The following DOCK3 variants were observed in gnomAD, a reference collection of about 807,000 sequenced individuals.
DOCK3 encodes the protein dedicator of cytokinesis protein 3.
Under a neutral mutation model 265.6 loss-of-function variants are expected in DOCK3, and 60 were observed. That is an observed-to-expected ratio of 0.23 (90% CI 0.18 to 0.28). DOCK3 has a LOEUF of 0.28. DOCK3 is among the 10% of genes least tolerant of loss of function. DOCK3 has a pLI of 1.00. For missense variants in DOCK3, 1,981 were observed against 2,594.3 expected (o/e 0.76, Z 5.14); for synonymous variants, 881 against 938.0 (o/e 0.94, Z 1.11).
chr3:51,120,043 A>T (rs528181995), intron 9 of DOCK3, among the ~76,000 whole-genome samples: 2 of 152,088 alleles, frequency 1.3e-5, no homozygotes, highest in South Asian at 2.1e-4. Context: ...GAGAAGAGGC[A>T]TTCTGGTTTT....
chr3:51,236,210 G>A (rs549838480), intron 19 of DOCK3, 135 bp from the exon 20 acceptor site: 25 of 715,530 alleles, frequency 3.5e-5, no homozygotes, highest in African/African-American at 1.4e-4. Context: ...GTACTAGTAC[G>A]ATGATTTTTA....
At chr3:51,253,943 T>C (rs1190167528) in intron 22 of DOCK3, among the ~76,000 whole-genome samples, 1 of 152,242 alleles carries the variant, frequency 6.6e-6, no homozygotes, top group Non-Finnish European at 1.5e-5. Context: ...TCTCTAGTTC[T>C]TTTAATTGTG....
chr3:50,851,240 A>T (rs1392957549), intron 3 of DOCK3, among the ~76,000 whole-genome samples: 1 of 152,048 alleles, frequency 6.6e-6, no homozygotes, highest in Non-Finnish European at 1.5e-5. Flanking sequence ...TGTAGCAGGG[A>T]AGGGCCCCTT....
At chr3:51,160,522 T>G in intron 11 of DOCK3, 33 bp from the exon 12 acceptor site, 1 of 1,579,548 alleles carries the variant, frequency 6.3e-7, no homozygotes, top group Non-Finnish European at 8.6e-7. Flanking sequence ...CATGCTTTTC[T>G]CAGTCTGACT....
At chr3:50,866,256 G>A (rs1250869356) in intron 3 of DOCK3, among the ~76,000 whole-genome samples, 1 of 152,112 alleles carries the variant, frequency 6.6e-6, no homozygotes, top group Admixed American at 6.5e-5. Context: ...GGAGGCTGAG[G>A]TGGGCAGATC....
intron 1 of DOCK3, among the ~76,000 whole-genome samples, chr3:50,693,605 G>A (rs1324318102): frequency 6.9e-6 from 1 of 144,572 alleles, no homozygotes; most frequent in African/African-American, 2.6e-5. Flanking sequence ...GCATGATCTC[G>A]GCTCACTGCA....
chr3:51,045,417 C>A (rs934508923), intron 5 of DOCK3, among the ~76,000 whole-genome samples: 1 of 152,108 alleles, frequency 6.6e-6, no homozygotes, highest in African/African-American at 2.4e-5. Flanking sequence ...GATCACTGAT[C>A]ACACACAGTT....
intron 1 of DOCK3, among the ~76,000 whole-genome samples, chr3:50,688,597 G>A (rs2035002830): frequency 6.6e-6 from 1 of 152,050 alleles, no homozygotes; most frequent in South Asian, 2.1e-4. Flanking sequence ...TGAGTAGCTG[G>A]GATTATAGGC....
At chr3:50,786,784 C>G in intron 2 of DOCK3, 1 of 734,492 alleles carries the variant, frequency 1.4e-6, no homozygotes, top group Non-Finnish European at 2.6e-6. Flanking sequence ...GGCACATGAA[C>G]TGTTTGTGCC....
chr3:51,247,539 G>C (rs1286198057), intron 22 of DOCK3, among the ~76,000 whole-genome samples: 1 of 152,196 alleles, frequency 6.6e-6, no homozygotes, highest in African/African-American at 2.4e-5. Context: ...CCTGCAACAA[G>C]TACTGGACCT....
chr3:50,922,715 C>G (rs1403786920), intron 4 of DOCK3, among the ~76,000 whole-genome samples: 2 of 150,894 alleles, frequency 1.3e-5, no homozygotes, highest in Admixed American at 1.3e-4. Flanking sequence ...TTGTTCTTGT[C>G]AATTCTAAGG....
At chr3:51,265,622 C>T (rs1403967253) in intron 23 of DOCK3, among the ~76,000 whole-genome samples, 7 of 152,152 alleles carry the variant, frequency 4.6e-5, no homozygotes, top group Admixed American at 4.6e-4. Flanking sequence ...TCAATAGATG[C>T]AGAAAAGGCC....
intron 2 of DOCK3, among the ~76,000 whole-genome samples, chr3:50,804,109 G>A (rs1256959205): frequency 6.6e-6 from 1 of 150,590 alleles, no homozygotes; most frequent in South Asian, 2.1e-4. Flanking sequence ...ACGGGGCGGC[G>A]GGGCAGAGGC....
At chr3:51,063,685 G>C (rs2081497784) in intron 5 of DOCK3, among the ~76,000 whole-genome samples, 1 of 152,148 alleles carries the variant, frequency 6.6e-6, no homozygotes, top group Admixed American at 6.5e-5. Flanking sequence ...AATAGGACTT[G>C]AGTTTTTAAA....
At chr3:50,810,924 C>T (rs2043714637) in intron 2 of DOCK3, among the ~76,000 whole-genome samples, 1 of 152,130 alleles carries the variant, frequency 6.6e-6, no homozygotes, top group African/African-American at 2.4e-5. Context: ...TGTCAAAGCT[C>T]ATTGTACTGT....
intron 5 of DOCK3, among the ~76,000 whole-genome samples, chr3:51,049,565 G>A (rs2080910609): frequency 6.6e-6 from 1 of 151,864 alleles, no homozygotes; most frequent in African/African-American, 2.4e-5. Context: ...CATCATATGG[G>A]GTTAGGTGTG....
At chr3:51,058,082 C>A (rs1270488786) in intron 5 of DOCK3, among the ~76,000 whole-genome samples, 1 of 152,110 alleles carries the variant, frequency 6.6e-6, no homozygotes, top group Non-Finnish European at 1.5e-5. Flanking sequence ...GGGCTGTAGT[C>A]CTTTGAAGGC....
intron 1 of DOCK3, among the ~76,000 whole-genome samples, chr3:50,722,097 G>A (rs919998841): frequency 5.9e-5 from 9 of 152,162 alleles, no homozygotes; most frequent in Admixed American, 5.9e-4. Flanking sequence ...TGGCTGTGTT[G>A]TGCCAGAGAC....
chr3:50,718,966 A>G (rs1016515560), intron 1 of DOCK3, among the ~76,000 whole-genome samples: 1 of 151,470 alleles, frequency 6.6e-6, no homozygotes, highest in Non-Finnish European at 1.5e-5. Flanking sequence ...TGTATTTTTT[A>G]GTAGTGACGG....
Sources: allele counts gnomAD v4.1 joint callset (sites outside exome capture counted in the v4.1 genomes callset), GRCh38; gene constraint gnomAD v4.1.1; transcripts MANE v1.5; gene names NCBI Gene and HGNC (gene_info 2026-07-23, HGNC 2026-07-21).